The following KCNIP4 variants were observed in gnomAD, a reference collection of about 807,000 sequenced individuals.
KCNIP4 encodes potassium voltage-gated channel interacting protein 4.
In KCNIP4, 12 loss-of-function variants were observed where a neutral mutation model predicts 34.0. The observed-to-expected ratio is 0.35, with a 90% CI of 0.23 to 0.57. KCNIP4 has a LOEUF of 0.57. KCNIP4 is among the 20% of genes least tolerant of loss of function. The pLI is 0.83. For missense variants in KCNIP4, 238 were observed against 311.7 expected (o/e 0.76, Z 1.78); for synonymous variants, 124 against 102.2 (o/e 1.21, Z -1.29).
chr4:21,282,236 G>A (rs1057358227), intron 1 of KCNIP4, among the ~76,000 whole-genome samples: 3 of 151,972 alleles, frequency 2.0e-5, no homozygotes, highest in South Asian at 2.1e-4. Flanking sequence ...TTTTTCTTAC[G>A]TTAATTCATT....
In KCNIP4 at chr4:20,834,794, T is replaced by C. The variant is rs568469445; in HGVS notation, c.288+15749A>G. On this transcript the variant is annotated intron_variant, in intron 3 of 8. Transcript: ENST00000382152. ...CTCTGCTTCTCTGCAGGTGCCAGAA[T>C]TTGGTTATTTCTCTGGGAAGAACTT... Among the ~76,000 whole-genome samples the C allele has an allele frequency of 2.6e-5, 4 of 152,252 alleles. No individual in the cohort carries two copies. The East Asian group carries it at 7.8e-4, about 30-fold the overall frequency.
At chr4:21,545,098 C>T (rs527498386) in intron 1 of KCNIP4, among the ~76,000 whole-genome samples, 1 of 152,210 alleles carries the variant, frequency 6.6e-6, no homozygotes, top group Admixed American at 6.5e-5. Context: ...GGAGAGTGAC[C>T]TCTGGTCGTC....
intron 1 of KCNIP4, among the ~76,000 whole-genome samples, chr4:21,737,873 A>G (rs558723325): frequency 2.6e-5 from 4 of 152,190 alleles, no homozygotes; most frequent in South Asian, 4.2e-4. Context: ...TCATAAGGTC[A>G]GGAGATCGAG....
At chr4:21,369,095 G>T (rs930406670) in intron 1 of KCNIP4, among the ~76,000 whole-genome samples, 1 of 147,032 alleles carries the variant, frequency 6.8e-6, no homozygotes, top group Admixed American at 6.6e-5. Context: ...TCACTTACTA[G>T]CTGAATGGTC....
chr4:20,944,131 C>T (rs1318431586), intron 1 of KCNIP4, among the ~76,000 whole-genome samples: 1 of 152,186 alleles, frequency 6.6e-6, no homozygotes, highest in East Asian at 1.9e-4. Flanking sequence ...CAGCCCCTAG[C>T]TCCATTCCTG....
At chr4:21,108,247 G>A (rs1488681706) in intron 1 of KCNIP4, among the ~76,000 whole-genome samples, 5 of 146,998 alleles carry the variant, frequency 3.4e-5, no homozygotes, top group East Asian at 3.9e-4. Context: ...CCAATCAGAC[G>A]TAGATTTGGT....
intron 3 of KCNIP4, among the ~76,000 whole-genome samples, chr4:20,779,625 TA>T (rs1482408105): frequency 8.6e-6 from 1 of 115,852 alleles, no homozygotes; most frequent in African/African-American, 3.4e-5. Flanking sequence ...AAATTTCAGG[TA>T]TAATTAGTTT....
intron 1 of KCNIP4, among the ~76,000 whole-genome samples, chr4:21,647,107 AAT>A (rs1179281471): frequency 2.9e-4 from 44 of 152,182 alleles, no homozygotes; most frequent in Middle Eastern, 6.8e-3. Flanking sequence ...TCCTTCTAAA[AAT>A]ATATGTTTAA....
At chr4:21,753,703 C>T (rs1245039160) in intron 1 of KCNIP4, among the ~76,000 whole-genome samples, 1 of 152,158 alleles carries the variant, frequency 6.6e-6, no homozygotes, top group Non-Finnish European at 1.5e-5. Context: ...CTTCGAATCT[C>T]AAGCCATGAC....
intron 1 of KCNIP4, among the ~76,000 whole-genome samples, chr4:20,906,872 A>G (rs192556816): frequency 6.6e-6 from 1 of 152,224 alleles, no homozygotes; most frequent in Non-Finnish European, 1.5e-5. Flanking sequence ...GGGAAGAATG[A>G]GGAAGGAACC....
rs927730627 is a variant in KCNIP4 at position 21,683,600 on chromosome 4, C to A, written c.61+264971G>T. ...TCTCCTGCCTCAGCCTCCCAAATAG[C>A]TGGGACTACAGGCGCCCGCCACCAC... is the stretch of plus-strand genomic sequence containing the variant. On this transcript the variant is annotated intron_variant, in intron 1 of 8. Coordinates refer to ENST00000382152, the MANE Select transcript of KCNIP4 (RefSeq NM_025221.6). 1.2e-4 allele frequency among the ~76,000 whole-genome samples: 18 copies of A among 151,370 alleles called. No individual in the cohort carries two copies. In the East Asian group the frequency reaches 1.8e-3, roughly 15 times the overall value.
chr4:20,866,760 T>C (rs1482407182), intron 2 of KCNIP4, among the ~76,000 whole-genome samples: 2 of 151,986 alleles, frequency 1.3e-5, no homozygotes, highest in Non-Finnish European at 2.9e-5. Context: ...TAGAAAATCC[T>C]AAAGATCCTT....
intron 1 of KCNIP4, among the ~76,000 whole-genome samples, chr4:21,025,229 T>C (rs1740414217): frequency 6.6e-6 from 1 of 151,944 alleles, no homozygotes; most frequent in Non-Finnish European, 1.5e-5. Context: ...ACAGGTGAGG[T>C]AGGGGAGGAA....
At position 21,736,700 on chromosome 4, in the gene KCNIP4, T is replaced by A. The variant is rs988906635; in HGVS notation, c.61+211871A>T. 2.0e-5 allele frequency among the ~76,000 whole-genome samples: 3 copies of A among 152,180 alleles called. No individual in the cohort carries two copies. The South Asian group carries it at 6.2e-4, about 32-fold the overall frequency. On this transcript the variant is annotated intron_variant, in intron 1 of 8. Transcript: ENST00000382152. Reference sequence around the variant, plus strand: ...CATTATCTGTATTTTTACGAGCACTTTGCTCACACTTCCATGACAGCAAGA... The same window carrying A: ...CATTATCTGTATTTTTACGAGCACTATGCTCACACTTCCATGACAGCAAGA...
At chr4:21,099,288 A>T (rs1747731821) in intron 1 of KCNIP4, among the ~76,000 whole-genome samples, 1 of 152,252 alleles carries the variant, frequency 6.6e-6, no homozygotes, top group Admixed American at 6.5e-5. Flanking sequence ...CTATGCAGCC[A>T]TAAAAATGAA....
intron 1 of KCNIP4, among the ~76,000 whole-genome samples, chr4:21,943,702 G>A (rs1265135282): frequency 6.6e-6 from 1 of 152,000 alleles, no homozygotes; most frequent in African/African-American, 2.4e-5. Context: ...AATGGAGGGG[G>A]GCATTAAAAG....
At chr4:20,861,153 A>T (rs1169624122) in intron 2 of KCNIP4, among the ~76,000 whole-genome samples, 1 of 152,020 alleles carries the variant, frequency 6.6e-6, no homozygotes, top group Non-Finnish European at 1.5e-5. Context: ...CCTGCCCCAA[A>T]CCTGTCTTTC....
rs534534924 is a variant in KCNIP4, at chr4:21,357,199, A to T, written c.62-474490T>A. ...ATTGAAGACTTAAATTTTGGACCTA[A>T]AACCATAAAAACCCTAGAAGAAAAC... is the stretch of plus-strand genomic sequence containing the variant. On this transcript the variant is annotated intron_variant, in intron 1 of 8. Transcript: ENST00000382152. Among the ~76,000 whole-genome samples, 9 of 152,334 alleles carry T rather than the reference A, an allele frequency of 5.9e-5. No individual in the cohort carries two copies. In the South Asian group the frequency reaches 1.9e-3, roughly 32 times the overall value.
At chr4:20,764,342 A>AT (rs1755205250) in intron 3 of KCNIP4, among the ~76,000 whole-genome samples, 1 of 152,096 alleles carries the variant, frequency 6.6e-6, no homozygotes, top group African/African-American at 2.4e-5. Context: ...TATCCTGAAC[A>AT]TTTTTTACAT....
Sources: allele counts gnomAD v4.1 joint callset (sites outside exome capture counted in the v4.1 genomes callset), GRCh38; gene constraint gnomAD v4.1.1; transcripts MANE v1.5; gene names NCBI Gene and HGNC (gene_info 2026-07-23, HGNC 2026-07-21).